The following CAMSAP1 variants were observed in gnomAD, a reference collection of about 807,000 sequenced individuals.
The protein encoded by CAMSAP1 is calmodulin regulated spectrin associated protein 1.
A neutral mutation model predicts 143.5 loss-of-function variants in CAMSAP1; 58 were observed. The observed-to-expected ratio is 0.40, with a 90% CI of 0.33 to 0.50. CAMSAP1 has a LOEUF of 0.50. Among genes scored for constraint, CAMSAP1 ranks in the 20% least tolerant of loss-of-function variants. CAMSAP1 has a pLI of 0.45. For missense variants in CAMSAP1, 1,969 were observed against 2,115.7 expected, an observed-to-expected ratio of 0.93 and a Z score of 1.36; for synonymous variants, 945 against 859.3, an observed-to-expected ratio of 1.10 and a Z score of -1.74.
Position 135,827,495 on chromosome 9 carries a change from C to T in CAMSAP1, c.1135G>A (p.Gly379Arg), listed in dbSNP as rs1164269245. ...KRSFLGSPAA[G>R]TLAELQPPVQ... ...GGGGGCTGCAGCTCAGCCAGGGTCC[C>T]TGCAGCAGGGCTGCCTAGGAAACTG... Residue 379 changes from glycine to arginine, a missense_variant, in exon 8 of 17, where the codon GGG becomes AGG. Around this residue, in one of 4 missense-constraint regions of CAMSAP1, gnomAD observed 1,390 missense variants for 1,420.8 expected, o/e 0.98. Transcript: ENST00000389532. The T allele has an allele frequency of 6.2e-7, 1 of 1,612,832 alleles. No homozygotes were observed. The highest frequency in any genetic ancestry group is 8.5e-7 in the Non-Finnish European group (1 of 1,178,934).
At chr9:135,868,433 C>G (rs780672303) in intron 3 of CAMSAP1, among the ~76,000 whole-genome samples, 8 of 150,144 alleles carry the variant, frequency 5.3e-5, no homozygotes, top group Non-Finnish European at 1.0e-4. Flanking sequence ...CATCTCAAAA[C>G]CAAAGAAGTG....
chr9:135,820,794 G>A lies in CAMSAP1; in HGVS notation c.3822+45C>T. ...CTCTAACTCACTATCACGTGGGGTG[G>A]CAACACATCACGAGTGCCTGAAACA... On this transcript the variant is annotated intron_variant, in intron 11 of 16. Transcript: ENST00000389532. This position sits in a 1 kb window ranked among gnomAD's most constrained non-coding sequence, Gnocchi z 4.4. 2 of 1,593,568 alleles carry A rather than the reference G, an allele frequency of 1.3e-6. No individual in the cohort carries two copies. The highest frequency in any genetic ancestry group is 1.7e-6 in the Non-Finnish European group (2 of 1,171,562).
chr9:135,816,459 T>C (rs1325470151), intron 14 of CAMSAP1, among the ~76,000 whole-genome samples: 1 of 152,114 alleles, frequency 6.6e-6, no homozygotes, highest in Non-Finnish European at 1.5e-5. Context: ...GTGACGCTGA[T>C]CCCTGGAAGG....
chr9:135,866,557 A>G, intron 3 of CAMSAP1, 21 bp from the exon 4 acceptor site: 2 of 1,133,054 alleles, frequency 1.8e-6, no homozygotes, highest in African/African-American at 1.5e-5. Context: ...AGAGAAATGC[A>G]TTAAAGAGGT....
chr9:135,890,107 T>C (rs1008470343), intron 1 of CAMSAP1, among the ~76,000 whole-genome samples: 2 of 152,070 alleles, frequency 1.3e-5, no homozygotes, highest in East Asian at 1.9e-4. Flanking sequence ...TAAGCCCCCG[T>C]GGCAGACACA....
At position 135,820,724 on chromosome 9, in the gene CAMSAP1, G is replaced by A. The variant is rs918059254; in HGVS notation, c.3822+115C>T. The A allele has an allele frequency of 5.2e-6, 7 of 1,338,904 alleles. No homozygotes were observed. In the African/African-American group the frequency reaches 1.0e-4, roughly 19 times the overall value. The allele number at this position is 1,338,904 out of a possible 1,614,324, so 82.9% of individuals were successfully genotyped here. The stretch of plus-strand genomic sequence containing the variant: ...ACAAAGCTAAACACACACATCCCCT[G>A]GCCTCTTACAGGAGCGGCTGGCCAG... On this transcript the variant is annotated intron_variant, in intron 11 of 16. Transcript: ENST00000389532. This position sits in a 1 kb window ranked among gnomAD's most constrained non-coding sequence, Gnocchi z 4.4.
At chr9:135,876,645 C>CATA (rs1356295058) in intron 3 of CAMSAP1, among the ~76,000 whole-genome samples, 23 of 152,262 alleles carry the variant, frequency 1.5e-4, no homozygotes, top group South Asian at 4.1e-4. Context: ...TGAACTTACA[C>CATA]ATACTTGTAT....
At chr9:135,866,332 G>A (rs1453857593) in intron 4 of CAMSAP1, 124 bp downstream of exon 4, 1 of 628,352 alleles carries the variant, frequency 1.6e-6, no homozygotes, top group Non-Finnish European at 2.9e-6. Flanking sequence ...GAATCCAAGA[G>A]ACTAGCTGCT....
rs1420698999 is a variant in CAMSAP1 at position 135,810,320 on chromosome 9, G to A, written c.*989C>T. On this transcript the variant is annotated 3_prime_UTR_variant, in exon 17 of 17. Coordinates refer to ENST00000389532, the MANE Select transcript of CAMSAP1 (RefSeq NM_015447.4). ...CTGAGAGCATGCAGCGCTTCCAGAT[G>A]CAGAATCCAGACAGGACAAGCCGTG... is the stretch of plus-strand genomic sequence containing the variant. The A allele has an allele frequency of 6.6e-6, 1 of 152,260 alleles. No homozygotes were observed. The highest frequency in any genetic ancestry group is 1.5e-5 in the Non-Finnish European group (1 of 68,048). The allele number at this position is 152,260 out of a possible 1,614,324, so 9.4% of individuals were successfully genotyped here.
chr9:135,858,080 T>C (rs1837041655), intron 5 of CAMSAP1, among the ~76,000 whole-genome samples: 1 of 151,864 alleles, frequency 6.6e-6, no homozygotes, highest in Admixed American at 6.6e-5. Context: ...TGGTGCTCCG[T>C]TCTGCTGTCC....
intron 1 of CAMSAP1, among the ~76,000 whole-genome samples, chr9:135,889,190 C>G (rs991120077): frequency 3.9e-5 from 6 of 152,204 alleles, no homozygotes; most frequent in African/African-American, 1.4e-4. Flanking sequence ...ATGAAACCTA[C>G]GCTCAACTGT....
In CAMSAP1 at chr9:135,882,798, C is replaced by T; in HGVS notation, c.423+18G>A. 1 of 1,542,852 alleles carries T rather than the reference C, an allele frequency of 6.5e-7. No homozygotes were observed. Among genetic ancestry groups the T allele is most frequent in the Non-Finnish European group, 8.7e-7 (1 of 1,143,076 alleles). On this transcript the variant is annotated intron_variant, in intron 2 of 16. Coordinates refer to ENST00000389532, the MANE Select transcript of CAMSAP1 (RefSeq NM_015447.4). The surrounding 1 kb of genome is among the most constrained non-coding windows in gnomAD (Gnocchi z 4.9). Reference sequence around the variant, plus strand: ...TCCAGAGGATGGCCCCTGGGGGCGGCCACCGCAGACCACTCACCATTTTTA... The same window carrying T: ...TCCAGAGGATGGCCCCTGGGGGCGGTCACCGCAGACCACTCACCATTTTTA...
chr9:135,827,351 C>A, intron 8 of CAMSAP1, 56 bp downstream of exon 8: 1 of 1,390,724 alleles, frequency 7.2e-7, no homozygotes, highest in Non-Finnish European at 9.5e-7. Flanking sequence ...TTTAAACTAA[C>A]ACAAAAAGGG....
intron 3 of CAMSAP1, among the ~76,000 whole-genome samples, chr9:135,871,617 T>C (rs972922680): frequency 1.3e-5 from 2 of 152,128 alleles, no homozygotes; most frequent in Non-Finnish European, 2.9e-5. Flanking sequence ...ATGGCAAACA[T>C]TGATAGATTA....
chr9:135,815,225 G>C lies in CAMSAP1; in HGVS notation c.4388-10C>G. ...TTAAAGAGCTTGGGACCTAAGAAAC[G>C]AGGCCAGGGTTGGTAAAATTATTAT... On this transcript the variant is annotated splice_polypyrimidine_tract_variant and intron_variant, in intron 15 of 16. Transcript: ENST00000389532. 1 of 1,583,150 alleles carries C rather than the reference G, an allele frequency of 6.3e-7. No homozygotes were observed. The highest frequency in any genetic ancestry group is 8.6e-7 in the Non-Finnish European group (1 of 1,157,054).
chr9:135,853,841 G>T (rs988944094), intron 5 of CAMSAP1, among the ~76,000 whole-genome samples: 8 of 152,222 alleles, frequency 5.3e-5, no homozygotes, highest in African/African-American at 1.9e-4. Flanking sequence ...CACAGGTGGG[G>T]TCAACAGCCT....
chr9:135,828,992 T>A (rs1835767489), intron 7 of CAMSAP1, among the ~76,000 whole-genome samples: 1 of 152,060 alleles, frequency 6.6e-6, no homozygotes, highest in African/African-American at 2.4e-5. Context: ...ATAAAAACAT[T>A]CCCGGACAAA....
intron 14 of CAMSAP1, among the ~76,000 whole-genome samples, chr9:135,816,904 A>T (rs754196074): frequency 1.2e-4 from 18 of 152,186 alleles, no homozygotes; most frequent in Non-Finnish European, 1.0e-4. Context: ...ACCAGTCCCC[A>T]GCCTCTCTCC....
chr9:135,819,365 C>T (rs1220612048), intron 11 of CAMSAP1, among the ~76,000 whole-genome samples: 3 of 152,188 alleles, frequency 2.0e-5, no homozygotes, highest in Admixed American at 6.5e-5. Flanking sequence ...AAACATCTCA[C>T]GAGATCCAGT....
Sources: allele counts gnomAD v4.1 joint callset (sites outside exome capture counted in the v4.1 genomes callset), GRCh38; gene constraint gnomAD v4.1.1; regional missense constraint gnomAD v4.1.1; non-coding constraint Gnocchi (gnomAD v3.1); transcripts MANE v1.5; gene names NCBI Gene and HGNC (gene_info 2026-07-23, HGNC 2026-07-21).